Variants in CFAP53 observed in about 807,000 individuals in gnomAD.
The protein encoded by CFAP53 is cilia- and flagella-associated protein 53.
In CFAP53, 62 loss-of-function variants were observed where a neutral mutation model predicts 59.7. The ratio of observed to expected loss-of-function variants is 1.04; its 90% CI spans 0.85 to 1.28. CFAP53 has a LOEUF of 1.28. CFAP53 is among the 50% of genes most tolerant of loss of function. CFAP53 has a pLI of 0.00. For synonymous variants in CFAP53, 218 were observed against 205.7 expected, an observed-to-expected ratio of 1.06 and a Z score of -0.51; for missense variants, 629 against 615.6, an observed-to-expected ratio of 1.02 and a Z score of -0.23.
chr18:50,235,829 C>A (rs187209558), intron 7 of CFAP53, among the ~76,000 whole-genome samples: 3 of 152,298 alleles, frequency 2.0e-5, no homozygotes, highest in Admixed American at 6.5e-5. Flanking sequence ...GTCCATGTAA[C>A]CTCCTGACCA....
chr18:50,254,140 A>T (rs1443259196), intron 3 of CFAP53, among the ~76,000 whole-genome samples: 2 of 151,908 alleles, frequency 1.3e-5, no homozygotes, highest in African/African-American at 4.8e-5. Flanking sequence ...ACCATTTAAA[A>T]AAAAAAGATA....
intron 5 of CFAP53, among the ~76,000 whole-genome samples, chr18:50,248,927 A>T (rs2033771225): frequency 6.6e-6 from 1 of 152,020 alleles, no homozygotes; most frequent in Admixed American, 6.6e-5. Context: ...AACTGTGGTA[A>T]ATCTATACCA....
chr18:50,245,250 T>C (rs7238597), intron 5 of CFAP53, among the ~76,000 whole-genome samples: 144,583 of 150,438 alleles, frequency 0.96, 69,618 homozygotes, highest in Non-Finnish European at 1. Flanking sequence ...GGCGCGGTGG[T>C]GGGCGCCTGT....
chr18:50,253,832 A>G (rs900831768), intron 3 of CFAP53, among the ~76,000 whole-genome samples: 3 of 152,140 alleles, frequency 2.0e-5, no homozygotes, highest in Non-Finnish European at 4.4e-5. Flanking sequence ...CAACTGACAG[A>G]GGCAAGACTA....
chr18:50,240,833 C>T (rs559031738), intron 6 of CFAP53, among the ~76,000 whole-genome samples: 30 of 152,260 alleles, frequency 2.0e-4, no homozygotes, highest in African/African-American at 6.3e-4. Context: ...ACCACTGGTG[C>T]GAAATCCAAT....
intron 7 of CFAP53, among the ~76,000 whole-genome samples, chr18:50,233,273 T>G (rs1174267281): frequency 6.6e-6 from 1 of 152,134 alleles, no homozygotes; most frequent in Non-Finnish European, 1.5e-5. Context: ...AAACCTCCCT[T>G]AAAAATAAAA....
At chr18:50,260,751 T>C (rs759808254) in intron 3 of CFAP53, among the ~76,000 whole-genome samples, 11 of 152,148 alleles carry the variant, frequency 7.2e-5, no homozygotes, top group Non-Finnish European at 1.6e-4. Context: ...AGCCCAACTT[T>C]ACCAAAGATT....
intron 6 of CFAP53, among the ~76,000 whole-genome samples, chr18:50,240,848 C>T (rs926048551): frequency 2.0e-5 from 3 of 152,126 alleles, no homozygotes; most frequent in African/African-American, 7.2e-5. Context: ...TCCAATGGTA[C>T]CCTAACAAGA....
intron 5 of CFAP53, among the ~76,000 whole-genome samples, chr18:50,248,078 C>T (rs2033761789): frequency 6.6e-6 from 1 of 151,162 alleles, no homozygotes; most frequent in Non-Finnish European, 1.5e-5. Context: ...TATGATCATG[C>T]CACTGTACTC....
intron 6 of CFAP53, among the ~76,000 whole-genome samples, chr18:50,240,501 T>G (rs1452146081): frequency 1.3e-5 from 2 of 152,192 alleles, no homozygotes; most frequent in East Asian, 1.9e-4. Context: ...AGGGGCCACG[T>G]GAGTCAGGAA....
chr18:50,253,190 G>T (rs1272810504), intron 3 of CFAP53, among the ~76,000 whole-genome samples: 2 of 152,034 alleles, frequency 1.3e-5, no homozygotes, highest in African/African-American at 4.8e-5. Context: ...AGAATTTTTT[G>T]TATTTTTAGT....
chr18:50,251,895 A>G, intron 3 of CFAP53, 111 bp from the exon 4 acceptor site: 1 of 932,282 alleles, frequency 1.1e-6, no homozygotes. Flanking sequence ...AGAGACCTGG[A>G]TGCAGGCCAT....
intron 1 of CFAP53, among the ~76,000 whole-genome samples, chr18:50,265,790 T>C (rs1437803900): frequency 3.3e-5 from 5 of 152,196 alleles, no homozygotes; most frequent in African/African-American, 1.2e-4. Context: ...GCACCTGAGT[T>C]TTTCCCAGGT....
chr18:50,240,413 C>G (rs1250836019), intron 6 of CFAP53, among the ~76,000 whole-genome samples: 1 of 152,238 alleles, frequency 6.6e-6, no homozygotes, highest in East Asian at 1.9e-4. Context: ...CACCCCATCA[C>G]TCTCTTTAAA....
chr18:50,262,459 A>G (rs184661805), intron 1 of CFAP53, among the ~76,000 whole-genome samples: 250 of 152,356 alleles, frequency 1.6e-3, no homozygotes, highest in African/African-American at 5.5e-3. Context: ...TTTGAAAAAT[A>G]GTTGATGGAA....
intron 3 of CFAP53, among the ~76,000 whole-genome samples, chr18:50,260,131 T>C (rs370939920): frequency 6.6e-6 from 1 of 152,180 alleles, no homozygotes; most frequent in African/African-American, 2.4e-5. Context: ...TCTGTGTAAG[T>C]GCACAGTAGT....
rs2033704704 is a variant in CFAP53 at position 50,242,901 on chromosome 18, C to G, written c.1212G>C (p.Lys404Asn). The change falls in exon 6 of 8, where the codon AAG becomes AAC. Residue 404 changes from lysine to asparagine, a missense_variant and splice_region_variant. By Grantham distance (94) the Lys-to-Asn change is moderately conservative. Transcript: ENST00000398545. ...MCTRKLQVQE[K>N]LQREAKEQEE... ...TATAACTGTAATTCAGTTCCTTACA[C>G]TTTTCTTGAACTTGAAGTTTTCTTG... The G allele has an allele frequency of 6.2e-7, 1 of 1,611,674 alleles. No individual in the cohort carries two copies. Among genetic ancestry groups the G allele is most frequent in the Non-Finnish European group, 8.5e-7 (1 of 1,179,122 alleles).
intron 3 of CFAP53, among the ~76,000 whole-genome samples, chr18:50,258,731 T>C (rs1285189301): frequency 6.6e-6 from 1 of 152,156 alleles, no homozygotes; most frequent in African/African-American, 2.4e-5. Flanking sequence ...AACCAGAATA[T>C]ATAAGGAGCT....
intron 7 of CFAP53, among the ~76,000 whole-genome samples, chr18:50,228,758 TC>T (rs2033551416): frequency 6.6e-6 from 1 of 151,978 alleles, no homozygotes; most frequent in South Asian, 2.1e-4. Flanking sequence ...GCCATTGCAC[TC>T]CAGCCTGGGT....
Sources: gnomAD v4.1 joint callset for allele counts (sites outside exome capture counted in the v4.1 genomes callset) on GRCh38, gnomAD v4.1.1 for gene constraint, MANE v1.5 for transcripts, NCBI Gene and HGNC (gene_info 2026-07-23, HGNC 2026-07-21) for gene names.